ULK4: variants seen among roughly 807,000 people sequenced by gnomAD.
ULK4 encodes unc-51 like kinase 4, also known as inactive serine/threonine-protein kinase ULK4.
ULK4 carries 133 observed loss-of-function variants against 160.6 expected under a neutral mutation model. The ratio of observed to expected loss-of-function variants is 0.83; its 90% CI spans 0.72 to 0.96. ULK4 has a LOEUF of 0.96. ULK4 is among the 40% of genes least tolerant of loss of function. The pLI is 0.00. For missense variants in ULK4, 1,580 were observed against 1,499.5 expected (o/e 1.05, Z -0.89); for synonymous variants, 534 against 539.8 (o/e 0.99, Z 0.15).
At chr3:41,716,977 A>C (rs1046309623) in intron 23 of ULK4, among the ~76,000 whole-genome samples, 3 of 152,136 alleles carry the variant, frequency 2.0e-5, no homozygotes, top group Non-Finnish European at 2.9e-5. Context: ...ATTCTCATTT[A>C]TTGTGGGAGT....
intron 32 of ULK4, among the ~76,000 whole-genome samples, chr3:41,492,737 A>C (rs912107743): frequency 7.9e-5 from 12 of 151,802 alleles, no homozygotes; most frequent in Non-Finnish European, 1.8e-4. Flanking sequence ...AGGAAGATCT[A>C]CCAAACAAAT....
chr3:41,494,994 G>A (rs1168642012), intron 32 of ULK4, among the ~76,000 whole-genome samples: 2 of 151,950 alleles, frequency 1.3e-5, no homozygotes, highest in Admixed American at 6.6e-5. Flanking sequence ...TCGTGAAAAT[G>A]GCCATACTGC....
chr3:41,657,094 T>C lies in ULK4; in HGVS notation c.3071+6513A>G, dbSNP rs111880962. On this transcript the variant is annotated intron_variant, in intron 30 of 36. Transcript: ENST00000301831. ...TGGCAAACAATTTACCTTTCTGCTA[T>C]ACACTCAATAATAAACTAGATCCAC... Among the ~76,000 whole-genome samples, 29 of 152,234 alleles carry C rather than the reference T, an allele frequency of 1.9e-4. 1 individual carries two copies. Among genetic ancestry groups the C allele is most frequent in the African/African-American group, 6.7e-4 (28 of 41,536 alleles).
chr3:41,446,111 C>G lies in ULK4; in HGVS notation c.3492+9386G>C, dbSNP rs1413347872. ...AAAGAAGACATTTATGCAGCCAAAA[C>G]ACACATGAAAAAAATGCTCATCATC... On this transcript the variant is annotated intron_variant, in intron 34 of 36. Transcript: ENST00000301831. 6.6e-5 allele frequency among the ~76,000 whole-genome samples: 10 copies of G among 152,190 alleles called. No homozygotes were observed. In the East Asian group the frequency reaches 1.2e-3, roughly 18 times the overall value.
chr3:41,827,434 CA>C (rs1300443919), intron 18 of ULK4, among the ~76,000 whole-genome samples: 3 of 151,404 alleles, frequency 2.0e-5, no homozygotes, highest in Non-Finnish European at 4.4e-5. Context: ...AGACAACAAT[CA>C]AATAGACGCA....
At chr3:41,912,081 A>G (rs1698808011) in intron 9 of ULK4, among the ~76,000 whole-genome samples, 2 of 151,930 alleles carry the variant, frequency 1.3e-5, no homozygotes, top group Non-Finnish European at 2.9e-5. Flanking sequence ...TAATCCTAAC[A>G]CTTTGGGAGG....
rs143432036 is a variant in ULK4 at position 41,738,244 on chromosome 3, C to T, written c.2321+16117G>A. 3.5e-3 allele frequency among the ~76,000 whole-genome samples: 531 copies of T among 152,008 alleles called. 15 individuals carry two copies. The highest frequency in any genetic ancestry group is 0.012 in the African/African-American group (506 of 41,304). Reference sequence around the variant, plus strand: ...TCATCCAAAATGTAAATATGTGACTCCTGTTGCAGCTGCAATTTAAGATGT... The same window carrying T: ...TCATCCAAAATGTAAATATGTGACTTCTGTTGCAGCTGCAATTTAAGATGT... On this transcript the variant is annotated intron_variant, in intron 22 of 36. Coordinates refer to ENST00000301831, the MANE Select transcript of ULK4 (RefSeq NM_017886.4).
At chr3:41,553,334 A>T (rs1449134375) in intron 32 of ULK4, among the ~76,000 whole-genome samples, 2 of 152,154 alleles carry the variant, frequency 1.3e-5, no homozygotes, top group Non-Finnish European at 2.9e-5. Context: ...GAATGGGAGA[A>T]AGTATTTTCA....
At chr3:41,346,309 A>G (rs1559536237) in intron 35 of ULK4, among the ~76,000 whole-genome samples, 1 of 152,182 alleles carries the variant, frequency 6.6e-6, no homozygotes, top group Non-Finnish European at 1.5e-5. Context: ...ATGCTGGGCC[A>G]CATTGCAACA....
intron 35 of ULK4, among the ~76,000 whole-genome samples, chr3:41,273,511 C>T (rs148700689): frequency 7.3e-4 from 111 of 152,246 alleles, no homozygotes; most frequent in African/African-American, 2.4e-3. Flanking sequence ...TCCAGGGTTC[C>T]GCTCCAGTAC....
intron 32 of ULK4, among the ~76,000 whole-genome samples, chr3:41,535,242 A>G (rs2086458514): frequency 6.6e-6 from 1 of 152,222 alleles, no homozygotes; most frequent in Non-Finnish European, 1.5e-5. Context: ...TAGCAGCAAT[A>G]ATTATGTCGC....
In ULK4 at chr3:41,898,457, T is replaced by C; in HGVS notation, c.1323A>G (p.Lys441=). ...MKQPPVKFDA[K]ILHLPTYSVD... is the part of the protein sequence containing the mutation. ...CTGAATATGTTGGTAGATGCAATATTTTTGCATCAAATTTAACTGGTGGCT... is the reference window on the plus strand; with the variant it reads ...CTGAATATGTTGGTAGATGCAATATCTTTGCATCAAATTTAACTGGTGGCT... The change falls in exon 14 of 37, where the codon AAA becomes AAG. Residue 441 remains lysine, a synonymous_variant. Transcript: ENST00000301831. 1 of 1,600,632 alleles carries C rather than the reference T, an allele frequency of 6.2e-7. No individual in the cohort carries two copies. The highest frequency in any genetic ancestry group is 8.5e-7 in the Non-Finnish European group (1 of 1,174,278).
intron 35 of ULK4, among the ~76,000 whole-genome samples, chr3:41,297,122 C>T (rs749176852): frequency 6.6e-6 from 1 of 152,214 alleles, no homozygotes; most frequent in Non-Finnish European, 1.5e-5. Context: ...CTTTGCTTCA[C>T]TGAAGCCCAT....
chr3:41,686,942 G>A (rs2036120004), intron 27 of ULK4, among the ~76,000 whole-genome samples: 1 of 152,144 alleles, frequency 6.6e-6, no homozygotes, highest in Non-Finnish European at 1.5e-5. Flanking sequence ...CTGAGGCTAG[G>A]CACAGTGGCT....
rs1318544177 is a variant in ULK4, at chr3:41,785,559, T to C, written c.2193+4102A>G. Reference sequence around the variant, plus strand: ...ACTGGGTTTCCATTGTAAAAGACCATAATATATGAGCGTCAATCCCGCCAA... The same window carrying C: ...ACTGGGTTTCCATTGTAAAAGACCACAATATATGAGCGTCAATCCCGCCAA... On this transcript the variant is annotated intron_variant, in intron 21 of 36. Coordinates refer to ENST00000301831, the MANE Select transcript of ULK4 (RefSeq NM_017886.4). Among the ~76,000 whole-genome samples the C allele has an allele frequency of 2.0e-5, 3 of 152,144 alleles. No homozygotes were observed. In the East Asian group the frequency reaches 5.8e-4, roughly 29 times the overall value.
At chr3:41,603,438 C>T (rs767173073) in intron 31 of ULK4, among the ~76,000 whole-genome samples, 1 of 152,006 alleles carries the variant, frequency 6.6e-6, no homozygotes, top group Non-Finnish European at 1.5e-5. Context: ...GACAGGATAA[C>T]CTGAAAGAAA....
intron 32 of ULK4, among the ~76,000 whole-genome samples, chr3:41,525,350 GA>G (rs147325283): frequency 1.4e-4 from 22 of 152,118 alleles, no homozygotes; most frequent in Non-Finnish European, 5.9e-5. Flanking sequence ...TGAATAGCAA[GA>G]AAAAAAATAT....
intron 32 of ULK4, among the ~76,000 whole-genome samples, chr3:41,507,439 A>G (rs4618197): frequency 1.3e-5 from 2 of 151,894 alleles, no homozygotes; most frequent in African/African-American, 4.8e-5. Context: ...TCTTTATTTC[A>G]TGTGACTCTC....
intron 34 of ULK4, among the ~76,000 whole-genome samples, chr3:41,418,379 C>G (rs1480256583): frequency 6.8e-6 from 1 of 146,818 alleles, no homozygotes; most frequent in African/African-American, 2.6e-5. Context: ...CACAGTTTGT[C>G]TGCAAGTTTT....
Sources: allele counts gnomAD v4.1 joint callset (sites outside exome capture counted in the v4.1 genomes callset), GRCh38; gene constraint gnomAD v4.1.1; transcripts MANE v1.5; gene names NCBI Gene and HGNC (gene_info 2026-07-23, HGNC 2026-07-21).